The following SGCG variants were observed in gnomAD, a reference collection of about 807,000 sequenced individuals.
SGCG encodes the protein sarcoglycan gamma, also known as gamma-sarcoglycan.
In SGCG, 26 loss-of-function variants were observed where a neutral mutation model predicts 29.3. That is an observed-to-expected ratio of 0.89 (90% CI 0.65 to 1.23). The LOEUF (loss-of-function observed/expected upper bound fraction) is 1.23. SGCG is among the 50% of genes most tolerant of loss of function. The probability of loss-of-function intolerance (pLI) is 0.00; values close to 1 mark genes in which losing one functional copy is unlikely to be tolerated. For missense variants in SGCG, 353 were observed against 356.0 expected (o/e 0.99, Z 0.07); for synonymous variants, 145 against 129.7 (o/e 1.12, Z -0.80).
intron 1 of SGCG, among the ~76,000 whole-genome samples, chr13:23,195,665 T>C (rs551114581): frequency 2.0e-5 from 3 of 149,304 alleles, no homozygotes; most frequent in East Asian, 2.2e-4. Flanking sequence ...GATTTGATGA[T>C]CTTTTAATCT....
intron 1 of SGCG, among the ~76,000 whole-genome samples, chr13:23,182,983 CTTT>C (rs1277083402): frequency 6.6e-6 from 1 of 152,218 alleles, no homozygotes; most frequent in Non-Finnish European, 1.5e-5. Context: ...TTCGTGACTT[CTTT>C]AACTCTGTTT....
At chr13:23,200,349 T>C (rs1054114167) in intron 1 of SGCG, among the ~76,000 whole-genome samples, 5 of 152,028 alleles carry the variant, frequency 3.3e-5, no homozygotes, top group Non-Finnish European at 7.4e-5. Context: ...CTTGAAACCC[T>C]GGAGGCGGAG....
At chr13:23,239,761 G>A (rs559903603) in intron 3 of SGCG, among the ~76,000 whole-genome samples, 2 of 152,132 alleles carry the variant, frequency 1.3e-5, no homozygotes, top group Admixed American at 1.3e-4. Flanking sequence ...AAATTATTGA[G>A]GATGGACCTT....
At chr13:23,226,428 C>CAA (rs34211778) in intron 2 of SGCG, among the ~76,000 whole-genome samples, 1,464 of 143,242 alleles carry the variant, frequency 0.01, 17 homozygotes, top group African/African-American at 0.031. Context: ...AGGCTGAGAG[C>CAA]AAAAAAAAAA....
chr13:23,256,223 G>GA (rs1880170280), intron 4 of SGCG, among the ~76,000 whole-genome samples: 1 of 152,138 alleles, frequency 6.6e-6, no homozygotes, highest in Admixed American at 6.5e-5. Flanking sequence ...CTGGCCATAT[G>GA]AAAAAACAGG....
chr13:23,192,086 A>C (rs1277836854), intron 1 of SGCG, among the ~76,000 whole-genome samples: 4 of 151,408 alleles, frequency 2.6e-5, no homozygotes, highest in African/African-American at 7.3e-5. Context: ...GAGGCTGCAG[A>C]ATGACGTGAA....
intron 2 of SGCG, among the ~76,000 whole-genome samples, chr13:23,213,047 C>T (rs781530018): frequency 1.3e-5 from 2 of 152,134 alleles, no homozygotes; most frequent in African/African-American, 2.4e-5. Flanking sequence ...ATACAACACA[C>T]GGAAACTTTC....
intron 4 of SGCG, among the ~76,000 whole-genome samples, chr13:23,251,157 T>C (rs1303479080): frequency 6.6e-6 from 1 of 152,244 alleles, no homozygotes; most frequent in Non-Finnish European, 1.5e-5. Flanking sequence ...AGTTTATCTT[T>C]GCCACCATTT....
At chr13:23,165,527 C>CTTT in the SGCG span, among the ~76,000 whole-genome samples, 3 of 143,806 alleles carry the variant, frequency 2.1e-5, no homozygotes, top group Non-Finnish European at 4.6e-5. Flanking sequence ...AGGAGGCAAA[C>CTTT]TTTTTTTTTT....
At chr13:23,173,937 G>A in the SGCG span, among the ~76,000 whole-genome samples, 1 of 152,156 alleles carries the variant, frequency 6.6e-6, no homozygotes, top group African/African-American at 2.4e-5. Flanking sequence ...CGTCTCTGCA[G>A]GAACTCTTAA....
At chr13:23,193,589 GA>G (rs1877368350) in intron 1 of SGCG, among the ~76,000 whole-genome samples, 1 of 152,182 alleles carries the variant, frequency 6.6e-6, no homozygotes, top group South Asian at 2.1e-4. Context: ...CGATGCCATG[GA>G]CTGAGATGGG....
At chr13:23,241,601 T>G (rs1269950071) in intron 3 of SGCG, among the ~76,000 whole-genome samples, 2 of 152,102 alleles carry the variant, frequency 1.3e-5, no homozygotes, top group African/African-American at 2.4e-5. Flanking sequence ...GCAGAGGAGA[T>G]TCTTCCTAAC....
At chr13:23,255,382 A>G (rs992591349) in intron 4 of SGCG, among the ~76,000 whole-genome samples, 5 of 152,200 alleles carry the variant, frequency 3.3e-5, no homozygotes, top group Non-Finnish European at 2.9e-5. Context: ...TATAAACTCA[A>G]AGTGGAAAGA....
rs60671278 is a variant in SGCG, at chr13:23,224,665, T to TACACACACACACACACACACACAC, written c.196-9930_196-9929insACACACACACACACACACACACAC. Among the ~76,000 whole-genome samples the TACACACACACACACACACACACAC allele has an allele frequency of 1.1e-4, 15 of 142,028 alleles. 1 individual carries two copies. Among genetic ancestry groups the TACACACACACACACACACACACAC allele is most frequent in the African/African-American group, 3.5e-4 (14 of 39,444 alleles). The allele number at this position is 142,028 out of a possible 152,430, so 93.2% of individuals were successfully genotyped here. ...ATTCCAACCCCAAACAGGGCACACA[T>TACACACACACACACACACACACAC]ACACACACACACACACCCCACACCA... On this transcript the variant is annotated intron_variant, in intron 2 of 7. Coordinates refer to ENST00000218867, the MANE Select transcript of SGCG (RefSeq NM_000231.3).
intron 4 of SGCG, among the ~76,000 whole-genome samples, chr13:23,252,604 T>A (rs906184967): frequency 2.0e-5 from 3 of 152,044 alleles, no homozygotes; most frequent in Non-Finnish European, 2.9e-5. Context: ...GGCAGGAGAA[T>A]GGCGTGAACC....
At chr13:23,216,989 TATA>T (rs1307550104) in intron 2 of SGCG, among the ~76,000 whole-genome samples, 1 of 152,136 alleles carries the variant, frequency 6.6e-6, no homozygotes, top group Non-Finnish European at 1.5e-5. Flanking sequence ...AAATGACAAT[TATA>T]ATGATGAGCA....
intron 1 of SGCG, among the ~76,000 whole-genome samples, chr13:23,193,962 A>G (rs1170926053): frequency 6.6e-6 from 1 of 152,194 alleles, no homozygotes; most frequent in Non-Finnish European, 1.5e-5. Context: ...TTAGGAGAAT[A>G]CTGATTTTAA....
chr13:23,296,785 C>G (rs484775), intron 6 of SGCG, among the ~76,000 whole-genome samples: 1 of 151,950 alleles, frequency 6.6e-6, no homozygotes, highest in South Asian at 2.1e-4. Context: ...CAGTTCCATA[C>G]ATAAATTTAT....
intron 4 of SGCG, among the ~76,000 whole-genome samples, chr13:23,274,673 C>T (rs1223215616): frequency 1.3e-5 from 2 of 152,114 alleles, no homozygotes; most frequent in Non-Finnish European, 2.9e-5. Context: ...CCACCGGCCT[C>T]GGCCTTCCAA....
Sources: gnomAD v4.1 joint callset for allele counts (sites outside exome capture counted in the v4.1 genomes callset) on GRCh38, gnomAD v4.1.1 for gene constraint, MANE v1.5 for transcripts, NCBI Gene and HGNC (gene_info 2026-07-23, HGNC 2026-07-21) for gene names.